TACR1: variants seen among roughly 807,000 people sequenced by gnomAD.
TACR1 encodes tachykinin receptor 1, also known as substance-P receptor.
A neutral mutation model predicts 35.8 loss-of-function variants in TACR1; 25 were observed. The observed-to-expected ratio is 0.70, with a 90% confidence interval of 0.51 to 0.98. The LOEUF (loss-of-function observed/expected upper bound fraction) is 0.98. TACR1 is among the 50% of genes least tolerant of loss of function. TACR1 has a pLI of 0.00. For synonymous variants in TACR1, 195 were observed against 206.7 expected (o/e 0.94, Z 0.48); for missense variants, 478 against 522.9 (o/e 0.91, Z 0.84).
intron 1 of TACR1, among the ~76,000 whole-genome samples, chr2:75,140,338 T>C: frequency 6.6e-6 from 1 of 152,104 alleles, no homozygotes; most frequent in South Asian, 2.1e-4. Context: ...GTTTTACTTT[T>C]TGAAAAAAAA....
chr2:75,181,823 G>T (rs1176425031), intron 1 of TACR1, among the ~76,000 whole-genome samples: 1 of 152,162 alleles, frequency 6.6e-6, no homozygotes, highest in African/African-American at 2.4e-5. Context: ...CCTGCCCAGG[G>T]TTTTCATAAA....
chr2:75,073,822 C>T (rs1672927217), intron 2 of TACR1, among the ~76,000 whole-genome samples: 1 of 152,208 alleles, frequency 6.6e-6, no homozygotes, highest in Non-Finnish European at 1.5e-5. Context: ...AATGCCACTT[C>T]TCACCAGAAG....
At chr2:75,059,338 A>C (rs911478418) in intron 2 of TACR1, among the ~76,000 whole-genome samples, 3 of 152,232 alleles carry the variant, frequency 2.0e-5, no homozygotes, top group Non-Finnish European at 4.4e-5. Context: ...ACAAAATCAG[A>C]ATATGCATTT....
intron 1 of TACR1, among the ~76,000 whole-genome samples, chr2:75,144,062 T>C (rs1674459711): frequency 6.6e-6 from 1 of 152,192 alleles, no homozygotes; most frequent in Non-Finnish European, 1.5e-5. Flanking sequence ...GTAATTATTT[T>C]CCTAGTTTCC....
chr2:75,053,279 G>A (rs757568274), intron 3 of TACR1, among the ~76,000 whole-genome samples: 3 of 152,002 alleles, frequency 2.0e-5, no homozygotes, highest in Admixed American at 6.6e-5. Flanking sequence ...TTTGAACCAC[G>A]TGAATGTATT....
chr2:75,066,242 CA>C (rs1672761084), intron 2 of TACR1, among the ~76,000 whole-genome samples: 1 of 152,130 alleles, frequency 6.6e-6, no homozygotes, highest in African/African-American at 2.4e-5. Context: ...CTCCTTTCAA[CA>C]GGAAAAATTA....
chr2:75,155,217 G>C (rs1218588876), intron 1 of TACR1, among the ~76,000 whole-genome samples: 1 of 152,174 alleles, frequency 6.6e-6, no homozygotes, highest in Non-Finnish European at 1.5e-5. Flanking sequence ...TGGGATTGCA[G>C]CTCCTAACGT....
intron 2 of TACR1, among the ~76,000 whole-genome samples, chr2:75,100,195 T>A (rs1673510128): frequency 6.6e-6 from 1 of 152,152 alleles, no homozygotes; most frequent in Non-Finnish European, 1.5e-5. Context: ...TCAGTTCAGA[T>A]TCTGGTTTTG....
chr2:75,164,336 A>AG (rs1675086625), intron 1 of TACR1, among the ~76,000 whole-genome samples: 1 of 150,756 alleles, frequency 6.6e-6, no homozygotes, highest in South Asian at 2.1e-4. Context: ...TAAAAAAAAA[A>AG]AAAAGAAAAA....
At chr2:75,083,727 T>A (rs972541063) in intron 2 of TACR1, among the ~76,000 whole-genome samples, 3 of 152,114 alleles carry the variant, frequency 2.0e-5, no homozygotes, top group Non-Finnish European at 4.4e-5. Flanking sequence ...GCTCTCTGTT[T>A]GTCTGTTATT....
At chr2:75,125,811 A>AT (rs1257441618) in intron 1 of TACR1, among the ~76,000 whole-genome samples, 3 of 152,156 alleles carry the variant, frequency 2.0e-5, no homozygotes, top group African/African-American at 7.2e-5. Flanking sequence ...GCTCTTCAGA[A>AT]TTTTTTATCT....
At chr2:75,121,823 CT>C (rs1673976235) in intron 1 of TACR1, among the ~76,000 whole-genome samples, 1 of 152,214 alleles carries the variant, frequency 6.6e-6, no homozygotes, top group South Asian at 2.1e-4. Flanking sequence ...CATTGATTCT[CT>C]GACAGTCAGG....
intron 2 of TACR1, among the ~76,000 whole-genome samples, chr2:75,108,123 T>C (rs1476449038): frequency 6.6e-6 from 1 of 152,114 alleles, no homozygotes; most frequent in Non-Finnish European, 1.5e-5. Context: ...GTTTTATGGG[T>C]AAGTTCCTTT....
intron 1 of TACR1, among the ~76,000 whole-genome samples, chr2:75,130,805 G>C (rs1186884732): frequency 2.6e-5 from 4 of 152,186 alleles, no homozygotes; most frequent in Non-Finnish European, 5.9e-5. Context: ...AGACAACCGT[G>C]CTCAAAGACA....
At chr2:75,130,090 G>A (rs991658416) in intron 1 of TACR1, among the ~76,000 whole-genome samples, 7 of 152,098 alleles carry the variant, frequency 4.6e-5, no homozygotes, top group Non-Finnish European at 1.0e-4. Flanking sequence ...ATAGATTTTT[G>A]TGCATTGTTT....
At chr2:75,191,082 A>G (rs1048330573) in intron 1 of TACR1, among the ~76,000 whole-genome samples, 11 of 152,156 alleles carry the variant, frequency 7.2e-5, no homozygotes, top group Non-Finnish European at 1.2e-4. Flanking sequence ...GGTGCTCCTC[A>G]TCCAGAGAGC....
chr2:75,101,469 T>A (rs532546733), intron 2 of TACR1, among the ~76,000 whole-genome samples: 1 of 152,312 alleles, frequency 6.6e-6, no homozygotes, highest in African/African-American at 2.4e-5. Flanking sequence ...TTATTATTCC[T>A]AATTTTCATA....
At chr2:75,068,112 A>G (rs756158569) in intron 2 of TACR1, among the ~76,000 whole-genome samples, 37 of 152,154 alleles carry the variant, frequency 2.4e-4, no homozygotes, top group Non-Finnish European at 2.9e-4. Flanking sequence ...CTAAGTAGCT[A>G]TTTATCTATC....
chr2:75,170,180 G>A (rs925526007), intron 1 of TACR1, among the ~76,000 whole-genome samples: 2 of 152,134 alleles, frequency 1.3e-5, no homozygotes, highest in Admixed American at 6.5e-5. Flanking sequence ...GTTGGGAACT[G>A]TTGGGAGGTA....
Sources: gnomAD v4.1 joint callset for allele counts (sites outside exome capture counted in the v4.1 genomes callset) on GRCh38, gnomAD v4.1.1 for gene constraint, MANE v1.5 for transcripts, NCBI Gene and HGNC (gene_info 2026-07-23, HGNC 2026-07-21) for gene names.